The following GDAP2 variants were observed in gnomAD, a reference collection of about 807,000 sequenced individuals.
The protein encoded by GDAP2 is ganglioside induced differentiation associated protein 2, also known as ganglioside-induced differentiation-associated protein 2.
Under a neutral mutation model 67.0 loss-of-function variants are expected in GDAP2, and 51 were observed. That is an observed-to-expected ratio of 0.76 (90% CI 0.61 to 0.96). GDAP2 has a LOEUF of 0.96. GDAP2 is among the 40% of genes least tolerant of loss of function. The pLI, the probability that GDAP2 is intolerant of heterozygous loss-of-function variation, is 0.00. For missense variants in GDAP2, 547 were observed against 588.3 expected, an observed-to-expected ratio of 0.93 and a Z score of 0.73; for synonymous variants, 203 against 207.3, an observed-to-expected ratio of 0.98 and a Z score of 0.18.
rs763376030 is a variant in GDAP2 at position 117,899,202 on chromosome 1, C to G, written c.651G>C (p.Lys217Asn). The G allele has an allele frequency of 2.5e-6, 4 of 1,611,320 alleles. No individual in the cohort carries two copies. The highest frequency in any genetic ancestry group is 3.4e-6 in the Non-Finnish European group (4 of 1,177,644). The change falls in exon 7 of 14, where the codon AAG becomes AAC. Residue 217 changes from lysine (K) to asparagine (N), a missense_variant. Transcript: ENST00000369443. Reference protein sequence around the residue: ...VSDLEEGTYQKLLPLYFPRSL... With the variant: ...VSDLEEGTYQNLLPLYFPRSL... ...ACCTTGGGAAGTAGAGAGGTAGCAG[C>G]TTTTGGTAAGTACCCTGTGTCAGAA...
chr1:117,913,347 A>G (rs1201241986), intron 3 of GDAP2: 1 of 152,098 alleles, frequency 6.6e-6, no homozygotes, highest in East Asian at 1.9e-4. Flanking sequence ...AAGTTTGTAT[A>G]AAAACAGTCA....
intron 12 of GDAP2, among the ~76,000 whole-genome samples, chr1:117,880,135 T>C (rs1025642514): frequency 1.3e-5 from 2 of 152,182 alleles, no homozygotes; most frequent in African/African-American, 2.4e-5. Context: ...CAGAGAGCTA[T>C]AATCACACCA....
intron 12 of GDAP2, among the ~76,000 whole-genome samples, chr1:117,879,820 G>T (rs995449667): frequency 2.0e-5 from 3 of 151,988 alleles, no homozygotes; most frequent in South Asian, 2.1e-4. Flanking sequence ...GAAGAAATGG[G>T]AATAAAAAAG....
At chr1:117,877,687 C>T in intron 13 of GDAP2, 1 of 1,043,582 alleles carries the variant, frequency 9.6e-7, no homozygotes, top group Non-Finnish European at 1.2e-6. Context: ...GATGGAAAGC[C>T]ATTCAATCTT....
Position 117,906,538 on chromosome 1 carries a change from T to C in GDAP2, c.604A>G (p.Lys202Glu). 6.3e-7 allele frequency: 1 copy of C among 1,580,158 alleles called. No individual in the cohort carries two copies. Among genetic ancestry groups the C allele is most frequent in the East Asian group, 2.2e-5 (1 of 44,608 alleles). The stretch of plus-strand genomic sequence containing the variant: ...AGATCAGAGACAGCAAATACTACTT[T>C]TTCAATGGTTTCCCCATGAATCTCT... The part of the protein sequence containing the change: ...FLEIHGETIE[K>E]VVFAVSDLEE... Residue 202 changes from lysine to glutamate, a missense_variant, in exon 6 of 14, where the codon AAA becomes GAA. Transcript: ENST00000369443.
At chr1:117,921,250 T>A (rs1650245359) in intron 1 of GDAP2, among the ~76,000 whole-genome samples, 1 of 148,982 alleles carries the variant, frequency 6.7e-6, no homozygotes, top group South Asian at 2.1e-4. Flanking sequence ...AAAAAAAAAA[T>A]ATTTGCAAGC....
At chr1:117,902,987 TAAGTA>T (rs971488377) in intron 6 of GDAP2, among the ~76,000 whole-genome samples, 30 of 152,334 alleles carry the variant, frequency 2.0e-4, no homozygotes, top group Admixed American at 7.2e-4. Flanking sequence ...GTTCTTTTGT[TAAGTA>T]TAGTTCAAAT....
In GDAP2 at chr1:117,864,981, T is replaced by TAG. The variant is rs1212128045; in HGVS notation, c.*5587_*5588insCT. 6.6e-6 allele frequency: 1 copy of TAG among 152,198 alleles called. No individual in the cohort carries two copies. The highest frequency in any genetic ancestry group is 1.5e-5 in the Non-Finnish European group (1 of 68,036). The allele number at this position is 152,198 out of a possible 1,614,324, so 9.4% of individuals were successfully genotyped here. On this transcript the variant is annotated 3_prime_UTR_variant, in exon 14 of 14. Transcript: ENST00000369443. ...GGAAGCTAAATGCAGTCTATACTCT[T>TAG]TTACTCTAACTATGGTCTGGGGACC...
intron 8 of GDAP2, among the ~76,000 whole-genome samples, chr1:117,892,909 T>C (rs1026725101): frequency 2.0e-5 from 3 of 152,174 alleles, no homozygotes; most frequent in African/African-American, 4.8e-5. Context: ...TGACCCATCC[T>C]AGATTTAGTT....
intron 2 of GDAP2, 48 bp downstream of exon 2, chr1:117,920,134 T>A: frequency 9.3e-7 from 1 of 1,070,410 alleles, no homozygotes; most frequent in Non-Finnish European, 1.4e-6. Flanking sequence ...TAGAATAAAT[T>A]ATGAGAAAGT....
At chr1:117,893,731 C>T (rs1649165474) in intron 8 of GDAP2, among the ~76,000 whole-genome samples, 2 of 152,160 alleles carry the variant, frequency 1.3e-5, no homozygotes, top group Non-Finnish European at 2.9e-5. Context: ...ATAAACTCCT[C>T]AATAAACAGC....
At chr1:117,907,796 TGAGTTATCTTCTCATGTTACCC>T (rs940249402) in intron 5 of GDAP2, among the ~76,000 whole-genome samples, 13 of 152,204 alleles carry the variant, frequency 8.5e-5, no homozygotes, top group East Asian at 3.9e-4. Context: ...CACTGTTGCC[TGAGTTATCTTCTCATGTTACCC>T]GAGTTATCTT....
At position 117,910,451 on chromosome 1, in the gene GDAP2, T is replaced by C. The variant is rs141939784; in HGVS notation, c.559+1543A>G. On this transcript the variant is annotated intron_variant, in intron 5 of 13. Coordinates refer to ENST00000369443, the MANE Select transcript of GDAP2 (RefSeq NM_017686.4). ...TGTATATAAGCTTAATTATAAAATA[T>C]ACAAATTTACTATAAAATCCTTGAG... Among the ~76,000 whole-genome samples the C allele has an allele frequency of 3.1e-3, 469 of 152,286 alleles. 1 individual carries two copies. Among genetic ancestry groups the C allele is most frequent in the Admixed American group, 8.3e-3 (127 of 15,280 alleles).
chr1:117,883,217 GT>G (rs147412317), intron 11 of GDAP2: 4,902 of 315,012 alleles, frequency 0.016, 112 homozygotes, highest in South Asian at 0.074. Flanking sequence ...ATTTTGATAA[GT>G]ATAATACATC....
In GDAP2 at chr1:117,869,224, T is replaced by C. The variant is rs1018503089; in HGVS notation, c.*1345A>G. ...CAAAAAAAGTACAAAGCTACCCAGA[T>C]GGGAATAATAATGGTTTGACCTTAA... On this transcript the variant is annotated 3_prime_UTR_variant, in exon 14 of 14. Transcript: ENST00000369443. 1 of 152,040 alleles carries C rather than the reference T, an allele frequency of 6.6e-6. No individual in the cohort carries two copies. The highest frequency in any genetic ancestry group is 2.4e-5 in the African/African-American group (1 of 41,388). The allele number at this position is 152,040 out of a possible 1,614,324, so 9.4% of individuals were successfully genotyped here.
At chr1:117,907,559 C>T (rs561356521) in intron 5 of GDAP2, among the ~76,000 whole-genome samples, 1 of 152,326 alleles carries the variant, frequency 6.6e-6, no homozygotes, top group African/African-American at 2.4e-5. Flanking sequence ...ATATCAACAT[C>T]CAACCAATCA....
In GDAP2 at chr1:117,868,957, T is replaced by C. The variant is rs1648165911; in HGVS notation, c.*1612A>G. On this transcript the variant is annotated 3_prime_UTR_variant, in exon 14 of 14. Coordinates refer to ENST00000369443, the MANE Select transcript of GDAP2 (RefSeq NM_017686.4). Reference sequence around the variant, plus strand: ...AAAATGTAAAGTCTCTTCTTGTTTATATGGGAAAATACAGGATGAATTTAA... The same window carrying C: ...AAAATGTAAAGTCTCTTCTTGTTTACATGGGAAAATACAGGATGAATTTAA... The C allele has an allele frequency of 6.6e-6, 1 of 152,152 alleles. No homozygotes were observed. The highest frequency in any genetic ancestry group is 2.4e-5 in the African/African-American group (1 of 41,446). The allele number at this position is 152,152 out of a possible 1,614,324, so 9.4% of individuals were successfully genotyped here. A position where few individuals can be genotyped will look rare whatever the true frequency, so the allele number is the denominator to read the frequency against.
chr1:117,911,856 G>T, intron 5 of GDAP2, 138 bp downstream of exon 5: 1 of 593,126 alleles, frequency 1.7e-6, no homozygotes, highest in Non-Finnish European at 3.1e-6. Flanking sequence ...GCTCACTGCA[G>T]CCTTAAACTT....
chr1:117,920,053 A>G, intron 2 of GDAP2, 129 bp downstream of exon 2: 2 of 538,474 alleles, frequency 3.7e-6, no homozygotes, highest in Non-Finnish European at 6.7e-6. Flanking sequence ...AATGTCAATT[A>G]TACCTCAATA....
Sources: allele counts gnomAD v4.1 joint callset (sites outside exome capture counted in the v4.1 genomes callset), GRCh38; gene constraint gnomAD v4.1.1; transcripts MANE v1.5; gene names NCBI Gene and HGNC (gene_info 2026-07-23, HGNC 2026-07-21).